Variants in IFFO2 observed in about 807,000 individuals in gnomAD.
IFFO2 encodes the protein intermediate filament family orphan 2.
A neutral mutation model predicts 53.5 loss-of-function variants in IFFO2; 19 were observed. That is an observed-to-expected ratio of 0.36 (90% confidence interval 0.25 to 0.52). The LOEUF is 0.52. Ranked by LOEUF, IFFO2 falls within the 20% of genes least tolerant of loss-of-function variation. IFFO2 has a pLI of 0.94. For synonymous variants in IFFO2, 303 were observed against 313.6 expected (o/e 0.97, Z 0.36); for missense variants, 570 against 727.4 (o/e 0.78, Z 2.49).
intron 1 of IFFO2, among the ~76,000 whole-genome samples, chr1:18,925,161 T>G (rs1051196169): frequency 6.6e-6 from 1 of 152,104 alleles, no homozygotes; most frequent in Admixed American, 6.5e-5. Context: ...TACTTCCCTC[T>G]ATAAAATCCC....
At chr1:18,934,799 C>T (rs574393828) in intron 1 of IFFO2, among the ~76,000 whole-genome samples, 43 of 152,180 alleles carry the variant, frequency 2.8e-4, no homozygotes, top group Middle Eastern at 3.2e-3. Context: ...TAACAATATA[C>T]GGCAGCATCC....
chr1:18,940,130 G>A (rs758022979), intron 1 of IFFO2, among the ~76,000 whole-genome samples: 1 of 152,196 alleles, frequency 6.6e-6, no homozygotes, highest in Non-Finnish European at 1.5e-5. Context: ...CTGCATGCTG[G>A]TTCAGTAGAC....
chr1:18,913,876 G>A (rs1231073275), intron 5 of IFFO2, among the ~76,000 whole-genome samples: 1 of 152,202 alleles, frequency 6.6e-6, no homozygotes, highest in Admixed American at 6.5e-5. Context: ...TGTCGCCCAG[G>A]CTGGAGTGCA....
intron 1 of IFFO2, among the ~76,000 whole-genome samples, chr1:18,938,653 A>C (rs1936480190): frequency 6.6e-6 from 1 of 152,042 alleles, no homozygotes; most frequent in African/African-American, 2.4e-5. Context: ...ACCTCTCTAG[A>C]CCTTCTGCAC....
chr1:18,941,998 G>A (rs1324928921), intron 1 of IFFO2, among the ~76,000 whole-genome samples: 4 of 152,354 alleles, frequency 2.6e-5, no homozygotes, highest in East Asian at 3.9e-4. Flanking sequence ...GAAGAGAGGG[G>A]ACATGACCTC....
chr1:18,941,092 C>T (rs148999498), intron 1 of IFFO2, among the ~76,000 whole-genome samples: 24 of 152,356 alleles, frequency 1.6e-4, no homozygotes, highest in Non-Finnish European at 2.5e-4. Context: ...TCACCTGGCA[C>T]GACTCAAAGT....
rs549420287 is a variant in IFFO2 at position 18,917,538 on chromosome 1, T to C, written c.964-496A>G. ...AAGCCACGAGCAAACGAAGGCTGCGTTGGCCTCCCCTGCTTCCCGGCAGAG... is the reference window on the plus strand; with the variant it reads ...AAGCCACGAGCAAACGAAGGCTGCGCTGGCCTCCCCTGCTTCCCGGCAGAG... On this transcript the variant is annotated intron_variant, in intron 4 of 8. Coordinates refer to ENST00000455833, the MANE Select transcript of IFFO2 (RefSeq NM_001136265.2). The surrounding 1 kb of genome is among the most constrained non-coding windows in gnomAD (Gnocchi z 5.9). Among the ~76,000 whole-genome samples the C allele has an allele frequency of 1.3e-5, 2 of 152,292 alleles. No individual in the cohort carries two copies. Among genetic ancestry groups the C allele is most frequent in the South Asian group, 2.1e-4 (1 of 4,822 alleles).
intron 8 of IFFO2, among the ~76,000 whole-genome samples, chr1:18,909,730 C>T (rs1936007457): frequency 6.6e-6 from 1 of 152,126 alleles, no homozygotes; most frequent in Non-Finnish European, 1.5e-5. Context: ...GGTGAGTCAA[C>T]GAAACCTCTT....
chr1:18,916,585 G>C lies in IFFO2; in HGVS notation c.1103+318C>G, dbSNP rs1263104904. 6.6e-6 allele frequency among the ~76,000 whole-genome samples: 1 copy of C among 152,196 alleles called. No homozygotes were observed. The highest frequency in any genetic ancestry group is 1.9e-4 in the East Asian group (1 of 5,192). On this transcript the variant is annotated intron_variant, in intron 5 of 8. Transcript: ENST00000455833. The surrounding 1 kb of genome is among the most constrained non-coding windows in gnomAD (Gnocchi z 4.3). ...ATTTGAGACCAGCCTGGGCAACACA[G>C]TGAGACCCTGTCTCTACAAAAAAAT... is the stretch of plus-strand genomic sequence containing the variant.
rs540886255 is a variant in IFFO2 at position 18,906,863 on chromosome 1, G to C, written c.*1698C>G. 1 of 152,180 alleles carries C rather than the reference G, an allele frequency of 6.6e-6. No individual in the cohort carries two copies. Among genetic ancestry groups the C allele is most frequent in the Non-Finnish European group, 1.5e-5 (1 of 68,044 alleles). 9.4% of individuals were successfully genotyped at this position (152,180 alleles called of 1,614,324 possible). The stretch of plus-strand genomic sequence containing the variant: ...AACTCATGACGAAGGCCACCAAATC[G>C]TGATAAATTACATCACACATAGTCA... On this transcript the variant is annotated 3_prime_UTR_variant, in exon 9 of 9. Transcript: ENST00000455833.
In IFFO2 at chr1:18,920,936, T is replaced by A. The variant is rs574366041; in HGVS notation, c.726+125A>T. The A allele has an allele frequency of 1.4e-4, 105 of 755,014 alleles. No individual in the cohort carries two copies. The African/African-American group carries it at 1.7e-3, about 12-fold the overall frequency. The allele number at this position is 755,014 out of a possible 1,614,324, so 46.8% of individuals were successfully genotyped here. ...TGGCTCCATAAAGGAGAGACTGAGGTGGTAGGAGGTAACAGAGTAGGGGCT... is the reference window on the plus strand; with the variant it reads ...TGGCTCCATAAAGGAGAGACTGAGGAGGTAGGAGGTAACAGAGTAGGGGCT... On this transcript the variant is annotated intron_variant, in intron 2 of 8. Coordinates refer to ENST00000455833, the MANE Select transcript of IFFO2 (RefSeq NM_001136265.2).
At chr1:18,948,464 C>T (rs543751309) in intron 1 of IFFO2, among the ~76,000 whole-genome samples, 43 of 152,218 alleles carry the variant, frequency 2.8e-4, no homozygotes, top group Non-Finnish European at 5.4e-4. Context: ...CTGGGCTCCA[C>T]GGACCCTCCA....
chr1:18,905,410 C>G lies in IFFO2; in HGVS notation c.*3151G>C, dbSNP rs191851457. ...AACTGCCTACCCTAGATTAAAAAAC[C>G]CTTCCTTTCATAAAAATAGATGAGA... On this transcript the variant is annotated 3_prime_UTR_variant, in exon 9 of 9. Transcript: ENST00000455833. The G allele has an allele frequency of 1.5e-4, 23 of 152,242 alleles. No homozygotes were observed. Among genetic ancestry groups the G allele is most frequent in the African/African-American group, 4.8e-4 (20 of 41,540 alleles). 9.4% of individuals were successfully genotyped at this position (152,242 alleles called of 1,614,324 possible). A position where few individuals can be genotyped will look rare whatever the true frequency, so the allele number is the denominator to read the frequency against.
At chr1:18,908,705 C>G (rs1233633501) in intron 8 of IFFO2, 39 bp from the exon 9 acceptor site, 1 of 1,444,026 alleles carries the variant, frequency 6.9e-7, no homozygotes, top group Non-Finnish European at 9.5e-7. Context: ...CAGAGAGCAG[C>G]CCTGGGCCTC....
chr1:18,924,644 G>A (rs1362495453), intron 1 of IFFO2, among the ~76,000 whole-genome samples: 1 of 152,210 alleles, frequency 6.6e-6, no homozygotes, highest in Non-Finnish European at 1.5e-5. Context: ...ACCCAGGTCT[G>A]ACAGAATCCT....
rs1396985908 is a variant in IFFO2 at position 18,918,819 on chromosome 1, G to A, written c.823-317C>T. Among the ~76,000 whole-genome samples the A allele has an allele frequency of 1.3e-5, 2 of 152,098 alleles. No homozygotes were observed. Among genetic ancestry groups the A allele is most frequent in the East Asian group, 1.9e-4 (1 of 5,186 alleles). ...AGAGCGAAGAAAAAAGACAACTCCC[G>A]CTGGAGAAAGACAGCCCTTCTTTTC... is the stretch of plus-strand genomic sequence containing the variant. On this transcript the variant is annotated intron_variant, in intron 3 of 8. Transcript: ENST00000455833. The surrounding 1 kb of genome is among the most constrained non-coding windows in gnomAD (Gnocchi z 5.2).
intron 1 of IFFO2, among the ~76,000 whole-genome samples, chr1:18,921,860 G>A (rs527326074): frequency 2.6e-5 from 4 of 152,226 alleles, no homozygotes; most frequent in South Asian, 2.1e-4. Context: ...AAACGCGGGC[G>A]GGAGGGGAGA....
intron 1 of IFFO2, among the ~76,000 whole-genome samples, chr1:18,938,305 T>C (rs1936475596): frequency 6.6e-6 from 1 of 152,204 alleles, no homozygotes; most frequent in Non-Finnish European, 1.5e-5. Flanking sequence ...ATTATTTTGC[T>C]CCTCCTAGTG....
At chr1:18,911,603 A>T (rs1936041339) in intron 6 of IFFO2, 127 bp from the exon 7 acceptor site, 5 of 421,928 alleles carry the variant, frequency 1.2e-5, no homozygotes, top group Non-Finnish European at 1.1e-5. Context: ...CAGAGGTATG[A>T]TCTCGGCTCA....
Sources: allele counts gnomAD v4.1 joint callset (sites outside exome capture counted in the v4.1 genomes callset), GRCh38; gene constraint gnomAD v4.1.1; non-coding constraint Gnocchi (gnomAD v3.1); transcripts MANE v1.5; gene names NCBI Gene and HGNC (gene_info 2026-07-23, HGNC 2026-07-21).